The following CRTAM variants were observed in gnomAD, a reference collection of about 807,000 sequenced individuals.
CRTAM encodes the protein cytotoxic and regulatory T cell molecule.
Under a neutral mutation model 50.0 loss-of-function variants are expected in CRTAM, and 44 were observed. The ratio of observed to expected loss-of-function variants is 0.88; its 90% CI spans 0.69 to 1.13. The LOEUF (loss-of-function observed/expected upper bound fraction) is 1.13. CRTAM is among the 50% of genes most tolerant of loss of function. The pLI, the probability that CRTAM is intolerant of heterozygous loss-of-function variation, is 0.00. For synonymous variants in CRTAM, 159 were observed against 169.3 expected, an observed-to-expected ratio of 0.94 and a Z score of 0.47; for missense variants, 448 against 457.5, an observed-to-expected ratio of 0.98 and a Z score of 0.19.
In CRTAM at chr11:122,867,995, G is replaced by A; in HGVS notation, c.965-18G>A. On this transcript the variant is annotated intron_variant, in intron 8 of 9. Coordinates refer to ENST00000227348, the MANE Select transcript of CRTAM (RefSeq NM_019604.4). ...CCATGGCATCAGAAATTAGTTGCTT[G>A]ATTTTCTTTTTTTGTAGAAAACGAA... The A allele has an allele frequency of 6.6e-7, 1 of 1,510,768 alleles. No homozygotes were observed. Among genetic ancestry groups the A allele is most frequent in the Non-Finnish European group, 9.2e-7 (1 of 1,088,632 alleles). 93.6% of individuals were successfully genotyped at this position (1,510,768 alleles called of 1,614,324 possible).
chr11:122,870,130 G>T (rs1271659053), intron 9 of CRTAM, among the ~76,000 whole-genome samples: 1 of 152,054 alleles, frequency 6.6e-6, no homozygotes, highest in Non-Finnish European at 1.5e-5. Flanking sequence ...GCCCAGGCTG[G>T]AGTGCCATGG....
intron 5 of CRTAM, among the ~76,000 whole-genome samples, chr11:122,858,143 G>T (rs1197557780): frequency 6.6e-6 from 1 of 151,998 alleles, no homozygotes; most frequent in African/African-American, 2.4e-5. Flanking sequence ...AAACTCCTAG[G>T]CTCAAGAAAT....
intron 1 of CRTAM, among the ~76,000 whole-genome samples, chr11:122,839,078 G>A (rs1426657075): frequency 6.6e-6 from 1 of 151,896 alleles, no homozygotes; most frequent in African/African-American, 2.4e-5. Flanking sequence ...ACAGGTGCCC[G>A]CCACCACCAC....
At chr11:122,868,242 G>GTGTGTGTGTGT (rs1862207746) in intron 9 of CRTAM, 143 bp downstream of exon 9, 3 of 552,126 alleles carry the variant, frequency 5.4e-6, no homozygotes, top group South Asian at 2.5e-5. Flanking sequence ...GTGTGTATGA[G>GTGTGTGTGTGT]GTGGGATTTA....
chr11:122,867,368 A>G, intron 7 of CRTAM, 41 bp from the exon 8 acceptor site: 2 of 1,550,618 alleles, frequency 1.3e-6, no homozygotes, highest in African/African-American at 1.4e-5. Flanking sequence ...AAAAAAAAAA[A>G]AACCCAAAGT....
intron 1 of CRTAM, among the ~76,000 whole-genome samples, chr11:122,843,807 G>T (rs561481413): frequency 1.8e-4 from 27 of 152,296 alleles, no homozygotes; most frequent in Admixed American, 5.9e-4. Context: ...CAAAACTTAG[G>T]CACAGCATCC....
intron 9 of CRTAM, among the ~76,000 whole-genome samples, chr11:122,868,957 C>T (rs778130845): frequency 1.3e-5 from 2 of 151,908 alleles, no homozygotes; most frequent in Admixed American, 6.6e-5. Context: ...TGCAGTGAGC[C>T]GAGATCGTGC....
chr11:122,845,111 G>A (rs961010493), intron 1 of CRTAM, among the ~76,000 whole-genome samples: 11 of 152,114 alleles, frequency 7.2e-5, no homozygotes, highest in Admixed American at 1.3e-4. Context: ...AGAAGAACCC[G>A]GAAATAGAGC....
chr11:122,863,247 A>AAGAG (rs1555042355), intron 6 of CRTAM, among the ~76,000 whole-genome samples: 4 of 144,896 alleles, frequency 2.8e-5, no homozygotes, highest in Non-Finnish European at 3.0e-5. Context: ...GAAAGAAAGA[A>AAGAG]AGAGAGAAAG....
Position 122,847,790 on chromosome 11 carries a change from A to G in CRTAM, c.47-2278A>G, listed in dbSNP as rs561468407. Among the ~76,000 whole-genome samples, 10 of 152,362 alleles carry G rather than the reference A, an allele frequency of 6.6e-5. No homozygotes were observed. In the South Asian group the frequency reaches 2.1e-3, roughly 32 times the overall value. On this transcript the variant is annotated intron_variant, in intron 1 of 9. Coordinates refer to ENST00000227348, the MANE Select transcript of CRTAM (RefSeq NM_019604.4). ...GCTGTTGGCAAGTGGTGAACAAATG[A>G]TAATGAAACTAGAGGCATAGCTTCT...
At chr11:122,849,116 A>G (rs1316927823) in intron 1 of CRTAM, among the ~76,000 whole-genome samples, 1 of 151,362 alleles carries the variant, frequency 6.6e-6, no homozygotes, top group Admixed American at 6.6e-5. Flanking sequence ...AAACTCTCGG[A>G]CAGGTGGGGC....
intron 2 of CRTAM, among the ~76,000 whole-genome samples, chr11:122,850,430 G>T (rs951866581): frequency 6.6e-6 from 1 of 152,120 alleles, no homozygotes; most frequent in Non-Finnish European, 1.5e-5. Flanking sequence ...CCACCAGAAT[G>T]GTTGTTAAAG....
chr11:122,856,986 T>C (rs1862015586), intron 5 of CRTAM, among the ~76,000 whole-genome samples: 1 of 151,552 alleles, frequency 6.6e-6, no homozygotes, highest in South Asian at 2.1e-4. Flanking sequence ...TGAGCCTGTA[T>C]CTAAAAGCTT....
intron 1 of CRTAM, among the ~76,000 whole-genome samples, chr11:122,845,416 A>G: frequency 6.6e-6 from 1 of 152,144 alleles, no homozygotes; most frequent in East Asian, 1.9e-4. Context: ...GTGTCAGTGA[A>G]AGAGAGGGAA....
chr11:122,872,277 C>T lies in CRTAM; in HGVS notation c.*878C>T, dbSNP rs572775720. 2.0e-5 allele frequency: 3 copies of T among 152,360 alleles called. No homozygotes were observed. 9.4% of individuals were successfully genotyped at this position (152,360 alleles called of 1,614,324 possible). ...CCATGCCCCAAGGCACAAAGAGGAG[C>T]TCAGGGTAGGCCCAAAGATTCGAAT... On this transcript the variant is annotated 3_prime_UTR_variant, in exon 10 of 10. Coordinates refer to ENST00000227348, the MANE Select transcript of CRTAM (RefSeq NM_019604.4).
Position 122,867,550 on chromosome 11 carries a change from A to G in CRTAM, c.959A>G (p.Lys320Arg), listed in dbSNP as rs199542102. ...MKLRKAHVIW[K>R]KENEVSEHTL... ...CTGAGGAAAGCACATGTGATATGGA[A>G]GAAAGGTCAGTGGGCAGGGAACCTG... The change falls in exon 8 of 10, where the codon AAG becomes AGG. Residue 320 changes from lysine (K) to arginine (R), a missense_variant. Lys to Arg is a conservative substitution (Grantham distance 26). Coordinates refer to ENST00000227348, the MANE Select transcript of CRTAM (RefSeq NM_019604.4). 9.3e-6 allele frequency: 15 copies of G among 1,613,450 alleles called. No individual in the cohort carries two copies. The highest frequency in any genetic ancestry group is 1.3e-5 in the Non-Finnish European group (15 of 1,179,648).
intron 5 of CRTAM, 137 bp downstream of exon 5, chr11:122,855,993 T>G: frequency 1.5e-6 from 1 of 678,488 alleles, no homozygotes. Flanking sequence ...AGCAAATTCC[T>G]GTACTGATTG....
rs535994076 is a variant in CRTAM at position 122,868,001 on chromosome 11, CT to C, written c.965-5del. ...CATCAGAAATTAGTTGCTTGATTTT[CT>C]TTTTTTGTAGAAAACGAAGTTTCAG... On this transcript the variant is annotated splice_polypyrimidine_tract_variant and intron_variant, in intron 8 of 9. Transcript: ENST00000227348. 254 of 1,553,964 alleles carry C rather than the reference CT, an allele frequency of 1.6e-4. No individual in the cohort carries two copies. Among genetic ancestry groups the C allele is most frequent in the Non-Finnish European group, 1.9e-4 (216 of 1,128,594 alleles).
In CRTAM at chr11:122,868,003, T is replaced by C; in HGVS notation, c.965-10T>C. 6.4e-7 allele frequency: 1 copy of C among 1,570,938 alleles called. No homozygotes were observed. On this transcript the variant is annotated splice_polypyrimidine_tract_variant and intron_variant, in intron 8 of 9. Coordinates refer to ENST00000227348, the MANE Select transcript of CRTAM (RefSeq NM_019604.4). ...TCAGAAATTAGTTGCTTGATTTTCT[T>C]TTTTTGTAGAAAACGAAGTTTCAGA...
Sources: gnomAD v4.1 joint callset for allele counts (sites outside exome capture counted in the v4.1 genomes callset) on GRCh38, gnomAD v4.1.1 for gene constraint, MANE v1.5 for transcripts, NCBI Gene and HGNC (gene_info 2026-07-23, HGNC 2026-07-21) for gene names.